SLC35A3: variants seen among roughly 807,000 people sequenced by gnomAD.
The protein encoded by SLC35A3 is solute carrier family 35 member A3, also known as UDP-N-acetylglucosamine transporter.
SLC35A3 carries 26 observed loss-of-function variants against 39.0 expected under a neutral mutation model. The observed-to-expected ratio is 0.67, with a 90% CI of 0.49 to 0.92. SLC35A3 has a LOEUF of 0.92. Ranked by LOEUF, SLC35A3 falls within the 40% of genes least tolerant of loss-of-function variation. The pLI is 0.00. For synonymous variants in SLC35A3, 135 were observed against 133.1 expected (o/e 1.01, Z -0.10); for missense variants, 299 against 371.6 (o/e 0.80, Z 1.61).
At chr1:100,015,176 A>G in intron 5 of SLC35A3, 126 bp from the exon 6 acceptor site, 1 of 977,936 alleles carries the variant, frequency 1.0e-6, no homozygotes, top group Non-Finnish European at 1.4e-6. Flanking sequence ...AAAAAAAAAA[A>G]AGAAAGTAAT....
At position 100,035,410 on chromosome 1, in the gene SLC35A3, CTT is replaced by C. The variant is rs1006709257; in HGVS notation, c.*12935_*12936del. The C allele has an allele frequency of 1.7e-4, 26 of 152,216 alleles. No homozygotes were observed. The highest frequency in any genetic ancestry group is 9.2e-4 in the Admixed American group (14 of 15,280). The allele number at this position is 152,216 out of a possible 1,614,324, so 9.4% of individuals were successfully genotyped here. ...GCCTATTAGAACAGGACTGTTCTCT[CTT>C]GTTTATCATTGCAGCCTTTCTAGCA... On this transcript the variant is annotated 3_prime_UTR_variant, in exon 8 of 8. Transcript: ENST00000533028.
At chr1:99,970,761 G>C in intron 1 of SLC35A3, 1 of 666,974 alleles carries the variant, frequency 1.5e-6, no homozygotes, top group Non-Finnish European at 2.5e-6. Flanking sequence ...TCTCTTAAAT[G>C]CAGTATTTGA....
In SLC35A3 at chr1:99,985,688, G is replaced by A. The variant is rs375002599; in HGVS notation, c.-18-7849G>A. 1.8e-4 allele frequency among the ~76,000 whole-genome samples: 27 copies of A among 152,196 alleles called. No homozygotes were observed. In the South Asian group the frequency reaches 1.9e-3, roughly 11 times the overall value. On this transcript the variant is annotated intron_variant, in intron 1 of 7. Coordinates refer to ENST00000533028, the MANE Select transcript of SLC35A3 (RefSeq NM_012243.3). ...GTCATTTTCACAATATTGATTCTAC[G>A]CATCCGTGAGTGTGGGATGTATTTC... is the stretch of plus-strand genomic sequence containing the variant.
chr1:100,005,767 C>T (rs759015374), intron 3 of SLC35A3, among the ~76,000 whole-genome samples: 1 of 152,060 alleles, frequency 6.6e-6, no homozygotes, highest in African/African-American at 2.4e-5. Context: ...TTTATATTGT[C>T]TGCTTGTGTT....
At chr1:100,003,052 C>T (rs1307249001) in intron 3 of SLC35A3, among the ~76,000 whole-genome samples, 2 of 151,836 alleles carry the variant, frequency 1.3e-5, no homozygotes, top group African/African-American at 4.8e-5. Context: ...TGTAAACTTC[C>T]CTTTTGTCAC....
At chr1:99,997,673 A>C (rs868462446) in intron 2 of SLC35A3, among the ~76,000 whole-genome samples, 4 of 150,146 alleles carry the variant, frequency 2.7e-5, no homozygotes, top group Non-Finnish European at 4.4e-5. Context: ...TTTTTCTGCT[A>C]TGCCTTTTTT....
chr1:100,015,715 T>C (rs1660052369), intron 6 of SLC35A3: 1 of 316,216 alleles, frequency 3.2e-6, no homozygotes, highest in Non-Finnish European at 5.6e-6. Context: ...TTTTTACAAG[T>C]CTTATCATTG....
chr1:99,991,727 G>C (rs1302820287), intron 1 of SLC35A3, among the ~76,000 whole-genome samples: 2 of 152,108 alleles, frequency 1.3e-5, no homozygotes, highest in African/African-American at 4.8e-5. Flanking sequence ...GTCCTTCCTT[G>C]AATCCTTGAA....
At chr1:100,017,226 A>G (rs768541514) in intron 6 of SLC35A3, among the ~76,000 whole-genome samples, 1 of 152,216 alleles carries the variant, frequency 6.6e-6, no homozygotes, top group Non-Finnish European at 1.5e-5. Context: ...TGTGACAGTA[A>G]TGAGAGGTGG....
chr1:100,018,147 A>G (rs1455985133), intron 7 of SLC35A3, among the ~76,000 whole-genome samples: 2 of 152,232 alleles, frequency 1.3e-5, no homozygotes, highest in African/African-American at 4.8e-5. Flanking sequence ...CGGAATTTAC[A>G]TGACTTCCTT....
At chr1:99,995,840 T>C (rs1658371800) in intron 2 of SLC35A3, among the ~76,000 whole-genome samples, 1 of 152,092 alleles carries the variant, frequency 6.6e-6, no homozygotes, top group Non-Finnish European at 1.5e-5. Context: ...TATTTAGATA[T>C]CAGATTCCAC....
chr1:99,981,329 A>G (rs1010056957), intron 1 of SLC35A3, among the ~76,000 whole-genome samples: 1 of 152,176 alleles, frequency 6.6e-6, no homozygotes, highest in Non-Finnish European at 1.5e-5. Context: ...CTAAGGGAGT[A>G]TAGTGTTTAG....
chr1:100,003,471 T>C (rs895270292), intron 3 of SLC35A3, among the ~76,000 whole-genome samples: 5 of 151,536 alleles, frequency 3.3e-5, no homozygotes, highest in Non-Finnish European at 5.9e-5. Context: ...TTTTCTGTTT[T>C]GGTCTGAGAA....
At chr1:100,016,064 T>C (rs887682368) in intron 6 of SLC35A3, among the ~76,000 whole-genome samples, 1 of 98,178 alleles carries the variant, frequency 1.0e-5, no homozygotes, top group Non-Finnish European at 2.0e-5. Flanking sequence ...GATACTTCTA[T>C]TTTTTTTTTT....
chr1:99,989,318 T>C (rs766378212), intron 1 of SLC35A3, among the ~76,000 whole-genome samples: 8 of 152,146 alleles, frequency 5.3e-5, no homozygotes, highest in Non-Finnish European at 1.0e-4. Flanking sequence ...AGTTTTACTC[T>C]TGTTGCCCAC....
chr1:99,988,310 T>G (rs1657868697), intron 1 of SLC35A3, among the ~76,000 whole-genome samples: 1 of 152,176 alleles, frequency 6.6e-6, no homozygotes. Context: ...GTTTAATTTT[T>G]TTTTGCTCAG....
chr1:100,014,684 G>T (rs143410055), intron 5 of SLC35A3, among the ~76,000 whole-genome samples: 167 of 152,300 alleles, frequency 1.1e-3, no homozygotes, highest in African/African-American at 3.8e-3. Flanking sequence ...GAATGGGCTA[G>T]CCATGTAATT....
Position 100,007,080 on chromosome 1 carries a change from C to G in SLC35A3, c.389C>G (p.Ser130Cys). The G allele has an allele frequency of 3.1e-6, 5 of 1,612,086 alleles. No homozygotes were observed. Among genetic ancestry groups the G allele is most frequent in the South Asian group, 1.1e-5 (1 of 90,470 alleles). Reference protein sequence around the residue: ...KILTTALFSVSMLSKKLGVYQ... With the variant: ...KILTTALFSVCMLSKKLGVYQ... ...CTTACAACAGCATTATTTTCTGTGTCTATGCTTAGTAAAAAATTGGGTGTA... is the reference window on the plus strand; with the variant it reads ...CTTACAACAGCATTATTTTCTGTGTGTATGCTTAGTAAAAAATTGGGTGTA... Residue 130 changes from serine (S) to cysteine (C), a missense_variant, in exon 4 of 8, where the codon TCT (serine) becomes TGT (cysteine). Ser to Cys is a moderately radical substitution (Grantham distance 112, BLOSUM62 -1). Coordinates refer to ENST00000533028, the MANE Select transcript of SLC35A3 (RefSeq NM_012243.3).
At chr1:100,012,009 C>T (rs975199701) in intron 5 of SLC35A3, among the ~76,000 whole-genome samples, 4 of 152,004 alleles carry the variant, frequency 2.6e-5, no homozygotes, top group Non-Finnish European at 5.9e-5. Flanking sequence ...TGAGCCACCT[C>T]CCCGGCCAAA....
Sources: gnomAD v4.1 joint callset for allele counts (sites outside exome capture counted in the v4.1 genomes callset) on GRCh38, gnomAD v4.1.1 for gene constraint, MANE v1.5 for transcripts, NCBI Gene and HGNC (gene_info 2026-07-23, HGNC 2026-07-21) for gene names.